The following ABCA9 variants were observed in gnomAD, a reference collection of about 807,000 sequenced individuals.
ABCA9 encodes ATP binding cassette subfamily A member 9.
ABCA9 carries 183 observed loss-of-function variants against 205.3 expected under a neutral mutation model. That is an observed-to-expected ratio of 0.89 (90% CI 0.79 to 1.01). The LOEUF (loss-of-function observed/expected upper bound fraction) is 1.01, where lower values mean the gene tolerates loss of function less well. Ranked by LOEUF, ABCA9 falls within the 50% of genes least tolerant of loss-of-function variation. The pLI, the probability that ABCA9 is intolerant of heterozygous loss-of-function variation, is 0.00. For missense variants in ABCA9, 1,805 were observed against 1,912.4 expected, an observed-to-expected ratio of 0.94 and a Z score of 1.05; for synonymous variants, 651 against 683.3, an observed-to-expected ratio of 0.95 and a Z score of 0.74.
chr17:69,000,088 C>T (rs2069793307), intron 25 of ABCA9, among the ~76,000 whole-genome samples: 1 of 151,136 alleles, frequency 6.6e-6, no homozygotes, highest in Admixed American at 6.6e-5. Context: ...CCTGTTCACT[C>T]TGATGGTAGT....
At chr17:69,052,721 C>T (rs1190218451) in intron 1 of ABCA9, among the ~76,000 whole-genome samples, 3 of 152,148 alleles carry the variant, frequency 2.0e-5, no homozygotes, top group Non-Finnish European at 4.4e-5. Context: ...CTTGGAGTTA[C>T]AGCAGATCCC....
chr17:69,031,998 A>G, intron 10 of ABCA9, 110 bp downstream of exon 10: 1 of 943,214 alleles, frequency 1.1e-6, no homozygotes, highest in Non-Finnish European at 1.6e-6. Context: ...GGCTGGCTGT[A>G]GGTGGGTACA....
intron 36 of ABCA9, among the ~76,000 whole-genome samples, chr17:68,982,879 G>A (rs1334145572): frequency 6.6e-6 from 1 of 152,134 alleles, no homozygotes. Context: ...GGTGGTGTGT[G>A]CCTGTATTCC....
In ABCA9 at chr17:68,992,201, T is replaced by C. The variant is rs1244610090; in HGVS notation, c.3690A>G (p.Lys1230=). The change falls in exon 28 of 39, where the codon AAA becomes AAG. Residue 1230 remains lysine, a synonymous_variant. Transcript: ENST00000340001. ...TGAACACAGGATCCTTTCTCATTAG[T>C]TTCTTCCTGCAGTTCATTTCTAGGC... The part of the protein sequence containing the change: ...LRCLEMNCRK[K]LMRKDPVFRI... 1.2e-6 allele frequency: 2 copies of C among 1,600,276 alleles called. No individual in the cohort carries two copies. The highest frequency in any genetic ancestry group is 8.5e-7 in the Non-Finnish European group (1 of 1,172,862).
At position 69,020,483 on chromosome 17, in the gene ABCA9, T is replaced by C. The variant is rs546004891; in HGVS notation, c.2505A>G (p.Thr835=). 6.2e-7 allele frequency: 1 copy of C among 1,614,106 alleles called. No individual in the cohort carries two copies. The highest frequency in any genetic ancestry group is 1.7e-5 in the Admixed American group (1 of 60,004). Residue 835 remains threonine, a synonymous_variant, in exon 19 of 39, where the codon ACA becomes ACG. Coordinates refer to ENST00000340001, the MANE Select transcript of ABCA9 (RefSeq NM_080283.4). The stretch of plus-strand genomic sequence containing the variant: ...GCCTCCAGAGCGCCACGCCACTGAT[T>C]GTTTTCCTTGTTTCGTGGAAGGAAG... ...VLSSFHETRK[T]ISGVALWRQQ... is the part of the protein sequence containing the mutation.
chr17:69,017,894 G>A, intron 20 of ABCA9, 105 bp from the exon 21 acceptor site: 1 of 1,272,832 alleles, frequency 7.9e-7, no homozygotes. Flanking sequence ...CAAAAGGACT[G>A]TCTAAGGCTT....
chr17:69,031,827 A>C (rs922390453), intron 10 of ABCA9, among the ~76,000 whole-genome samples: 2 of 152,246 alleles, frequency 1.3e-5, no homozygotes, highest in African/African-American at 4.8e-5. Context: ...AAAAACACAA[A>C]GAGGAGAAAT....
At chr17:69,016,195 A>C in intron 22 of ABCA9, 58 bp downstream of exon 22, 1 of 1,347,692 alleles carries the variant, frequency 7.4e-7, no homozygotes, top group Non-Finnish European at 9.8e-7. Context: ...TTAGCATTTC[A>C]AGAATTTTCT....
At position 69,040,909 on chromosome 17, in the gene ABCA9, G is replaced by T. The variant is rs1457337621; in HGVS notation, c.800+2580C>A. 1.3e-5 allele frequency among the ~76,000 whole-genome samples: 2 copies of T among 152,098 alleles called. 1 individual carries two copies. The highest frequency in any genetic ancestry group is 2.9e-5 in the Non-Finnish European group (2 of 68,008). The stretch of plus-strand genomic sequence containing the variant: ...ACTATCAATGCCAAATAAACAGGAA[G>T]AAAGTTCTTTAAAGGAGAAAGAGAA... On this transcript the variant is annotated intron_variant, in intron 6 of 38. Transcript: ENST00000340001.
chr17:69,018,883 A>C (rs942722405), intron 19 of ABCA9, among the ~76,000 whole-genome samples: 2 of 151,860 alleles, frequency 1.3e-5, no homozygotes, highest in Admixed American at 1.3e-4. Flanking sequence ...TCAGTCATGC[A>C]TTTCTTTCTT....
chr17:69,050,825 A>G (rs1455575937), intron 2 of ABCA9, among the ~76,000 whole-genome samples: 1 of 152,196 alleles, frequency 6.6e-6, no homozygotes, highest in Non-Finnish European at 1.5e-5. Context: ...CTCTAGTAAG[A>G]CATAAAACAA....
At chr17:69,060,027 GTTCT>G (rs144737673) in intron 1 of ABCA9, among the ~76,000 whole-genome samples, 4,713 of 152,188 alleles carry the variant, frequency 0.031, 236 homozygotes, top group African/African-American at 0.1. Flanking sequence ...CGTGACTACT[GTTCT>G]TTCTTTCTGT....
intron 1 of ABCA9, among the ~76,000 whole-genome samples, chr17:69,055,311 A>G (rs1245672700): frequency 2.6e-5 from 4 of 152,228 alleles, no homozygotes; most frequent in Non-Finnish European, 5.9e-5. Context: ...ATAAATATAG[A>G]TGGACCATGC....
At position 69,033,782 on chromosome 17, in the gene ABCA9, A is replaced by T. The variant is rs1227750002; in HGVS notation, c.1220T>A (p.Val407Asp). 3 of 1,612,704 alleles carry T rather than the reference A, an allele frequency of 1.9e-6. No individual in the cohort carries two copies. Among genetic ancestry groups the T allele is most frequent in the South Asian group, 2.2e-5 (2 of 90,858 alleles). The change falls in exon 9 of 39, where the codon GTT becomes GAT. Residue 407 changes from valine to aspartate, a missense_variant. By Grantham distance (152) the Val-to-Asp change is radical. Coordinates refer to ENST00000340001, the MANE Select transcript of ABCA9 (RefSeq NM_080283.4). Reference sequence around the variant, plus strand: ...TACCAAATACAGAAGGGTGTCAAAAACCAACATGAAAAGAGTAGCTATTAT... The same window carrying T: ...TACCAAATACAGAAGGGTGTCAAAATCCAACATGAAAAGAGTAGCTATTAT... ...YLIIATLFMLVFDTLLYLVLT... is the reference protein window; with the variant it reads ...YLIIATLFMLDFDTLLYLVLT...
At chr17:69,026,854 G>T in intron 15 of ABCA9, 122 bp downstream of exon 15, 1 of 1,242,918 alleles carries the variant, frequency 8.0e-7, no homozygotes, top group Non-Finnish European at 1.1e-6. Flanking sequence ...ATGAGTAAGA[G>T]CAAAATTCTC....
At chr17:69,045,128 C>A (rs780942170) in intron 4 of ABCA9, 44 bp downstream of exon 4, 116 of 1,561,634 alleles carry the variant, frequency 7.4e-5, no homozygotes, top group Non-Finnish European at 6.1e-6. Context: ...TTTGTGGCTA[C>A]TGATACAATA....
Position 69,051,101 on chromosome 17 carries a change from C to G in ABCA9, c.26G>C (p.Gly9Ala), listed in dbSNP as rs1053619228. The change falls in exon 2 of 39, where the codon GGT becomes GCT. Residue 9 changes from glycine (G) to alanine (A), a missense_variant. Coordinates refer to ENST00000340001, the MANE Select transcript of ABCA9 (RefSeq NM_080283.4). ...GCAGAGAAGAGCCCATGTTTGCTGACCCACGCTCATGCGTCTCTTGCTCAT... is the reference window on the plus strand; with the variant it reads ...GCAGAGAAGAGCCCATGTTTGCTGAGCCACGCTCATGCGTCTCTTGCTCAT... MSKRRMSV[G>A]QQTWALLCKN... 11 of 1,613,508 alleles carry G rather than the reference C, an allele frequency of 6.8e-6. No homozygotes were observed. In the African/African-American group the frequency reaches 1.2e-4, roughly 18 times the overall value.
chr17:69,061,482 C>CT (rs2072246749), upstream of ABCA9, among the ~76,000 whole-genome samples: 1 of 152,176 alleles, frequency 6.6e-6, no homozygotes, highest in South Asian at 2.1e-4. Flanking sequence ...AAAAGAAACT[C>CT]TGAGTTTCCA....
At chr17:69,065,756 C>T (rs563364897), upstream of ABCA9, among the ~76,000 whole-genome samples, 2 of 152,250 alleles carry the variant, frequency 1.3e-5, no homozygotes, top group African/African-American at 4.8e-5. Flanking sequence ...CGTGTCCCCC[C>T]GGCAAATCTC....
Sources: gnomAD v4.1 joint callset for allele counts (sites outside exome capture counted in the v4.1 genomes callset) on GRCh38, gnomAD v4.1.1 for gene constraint, MANE v1.5 for transcripts, NCBI Gene and HGNC (gene_info 2026-07-23, HGNC 2026-07-21) for gene names.